Variants in YAP1 observed in about 807,000 individuals in gnomAD.
YAP1 encodes transcriptional coactivator YAP1.
In YAP1, 5 loss-of-function variants were observed where a neutral mutation model predicts 56.9. The ratio of observed to expected loss-of-function variants is 0.09; its 90% CI spans 0.05 to 0.18. The LOEUF (loss-of-function observed/expected upper bound fraction) is 0.18. YAP1 is among the 10% of genes least tolerant of loss of function. The pLI is 1.00. For missense variants in YAP1, 539 were observed against 651.8 expected (o/e 0.83, Z 1.88); for synonymous variants, 265 against 248.1 (o/e 1.07, Z -0.64).
At chr11:102,169,834 A>C (rs558612819) in intron 3 of YAP1, among the ~76,000 whole-genome samples, 35 of 152,314 alleles carry the variant, frequency 2.3e-4, no homozygotes, top group African/African-American at 6.3e-4. Context: ...TAAGTTCCTG[A>C]AAAATGATAA....
chr11:102,145,316 A>G (rs1417955795), intron 2 of YAP1, among the ~76,000 whole-genome samples: 2 of 152,206 alleles, frequency 1.3e-5, no homozygotes, highest in Admixed American at 1.3e-4. Flanking sequence ...TGAGTGGCCA[A>G]GCAAGTATTT....
At chr11:102,143,457 C>G (rs1025922197) in intron 2 of YAP1, among the ~76,000 whole-genome samples, 15 of 152,140 alleles carry the variant, frequency 9.9e-5, no homozygotes, top group East Asian at 9.6e-4. Flanking sequence ...CAAATACATC[C>G]ATCAAGCCAT....
chr11:102,205,248 T>G (rs1949062144), intron 4 of YAP1, among the ~76,000 whole-genome samples: 1 of 152,096 alleles, frequency 6.6e-6, no homozygotes, highest in Non-Finnish European at 1.5e-5. Flanking sequence ...GTGGACTCAA[T>G]TTGATATGAG....
rs1448913857 is a variant in YAP1, at chr11:102,223,759, G to A, written c.1163+7G>A. 2.0e-5 allele frequency: 32 copies of A among 1,613,142 alleles called. No individual in the cohort carries two copies. Among genetic ancestry groups the A allele is most frequent in the African/African-American group, 5.3e-5 (4 of 75,032 alleles). On this transcript the variant is annotated splice_region_variant and intron_variant, in intron 7 of 8. Transcript: ENST00000282441. The stretch of plus-strand genomic sequence containing the variant: ...CAGATCCTTTCCTTAACAGGTTGGT[G>A]AAAGTTGCTACTGGTGAATATCTGA...
At chr11:102,121,482 T>G (rs1943648813) in intron 2 of YAP1, among the ~76,000 whole-genome samples, 1 of 152,108 alleles carries the variant, frequency 6.6e-6, no homozygotes, top group South Asian at 2.1e-4. Context: ...TCATAAGTTT[T>G]AAATTGCAGT....
At chr11:102,162,753 A>G (rs889961733) in intron 3 of YAP1, among the ~76,000 whole-genome samples, 182 bp downstream of exon 3, 1 of 152,228 alleles carries the variant, frequency 6.6e-6, no homozygotes, top group Non-Finnish European at 1.5e-5. Flanking sequence ...ATTGCCTTGT[A>G]TAGTTGTTAA....
At chr11:102,219,192 C>T (rs1024863943) in intron 6 of YAP1, among the ~76,000 whole-genome samples, 1 of 152,106 alleles carries the variant, frequency 6.6e-6, no homozygotes, top group Non-Finnish European at 1.5e-5. Flanking sequence ...TTTCTGGAGT[C>T]TATAATTTTA....
chr11:102,153,421 T>A (rs965392566), intron 2 of YAP1, among the ~76,000 whole-genome samples: 1 of 152,196 alleles, frequency 6.6e-6, no homozygotes, highest in Non-Finnish European at 1.5e-5. Context: ...GTCTTCTTTT[T>A]AAAAAGGATA....
At chr11:102,122,416 C>G (rs1169371970) in intron 2 of YAP1, among the ~76,000 whole-genome samples, 1 of 130,612 alleles carries the variant, frequency 7.7e-6, no homozygotes, top group African/African-American at 3.4e-5. Context: ...CAGAGCCAGA[C>G]TCTGTCTCAA....
intron 3 of YAP1, among the ~76,000 whole-genome samples, chr11:102,185,731 A>G (rs1366955702): frequency 6.6e-6 from 1 of 152,074 alleles, no homozygotes; most frequent in Non-Finnish European, 1.5e-5. Flanking sequence ...GTTAACAGTA[A>G]TAGTAATTAT....
intron 2 of YAP1, among the ~76,000 whole-genome samples, chr11:102,144,447 A>G (rs1459642727): frequency 6.6e-6 from 1 of 152,190 alleles, no homozygotes; most frequent in African/African-American, 2.4e-5. Flanking sequence ...TGAATTTGTA[A>G]TGTGGCTTAT....
At chr11:102,119,183 G>A (rs983904374) in intron 2 of YAP1, among the ~76,000 whole-genome samples, 27 of 151,922 alleles carry the variant, frequency 1.8e-4, no homozygotes, top group African/African-American at 6.3e-4. Context: ...GGCATCCCAG[G>A]GAAGAATGGC....
At chr11:102,226,477 C>CG (rs1441297525) in intron 7 of YAP1, among the ~76,000 whole-genome samples, 2 of 152,100 alleles carry the variant, frequency 1.3e-5, no homozygotes, top group Admixed American at 1.3e-4. Context: ...ATGTACAAGC[C>CG]GTAGAGAAAG....
intron 2 of YAP1, among the ~76,000 whole-genome samples, chr11:102,161,417 G>C (rs902161466): frequency 1.3e-5 from 2 of 149,668 alleles, no homozygotes. Flanking sequence ...AATACATACT[G>C]TTTTATAACC....
At chr11:102,193,441 T>C (rs950284534) in intron 4 of YAP1, among the ~76,000 whole-genome samples, 2 of 152,196 alleles carry the variant, frequency 1.3e-5, no homozygotes, top group Non-Finnish European at 2.9e-5. Flanking sequence ...CTTTTTAAAA[T>C]GTTTTATTTT....
chr11:102,121,858 C>G (rs975761240), intron 2 of YAP1, among the ~76,000 whole-genome samples: 1 of 152,150 alleles, frequency 6.6e-6, no homozygotes, highest in African/African-American at 2.4e-5. Context: ...AGTGCAGTTG[C>G]ATGATCACTG....
intron 7 of YAP1, among the ~76,000 whole-genome samples, chr11:102,225,546 T>G (rs1416460094): frequency 1.3e-5 from 2 of 152,172 alleles, no homozygotes; most frequent in African/African-American, 4.8e-5. Context: ...TACTATTTGA[T>G]TTATGTATAT....
In YAP1 at chr11:102,113,715, T is replaced by C. The variant is rs561868408; in HGVS notation, c.322-429T>C. 1.5e-3 allele frequency among the ~76,000 whole-genome samples: 234 copies of C among 152,324 alleles called. 1 individual carries two copies. The highest frequency in any genetic ancestry group is 5.5e-3 in the African/African-American group (228 of 41,592). The stretch of plus-strand genomic sequence containing the variant: ...AGTTTGACCTAGAAAAAAAATTAAT[T>C]ACTTAAAACCTAGTAAAAAATACAT... On this transcript the variant is annotated intron_variant, in intron 1 of 8. Coordinates refer to ENST00000282441, the MANE Select transcript of YAP1 (RefSeq NM_001130145.3).
chr11:102,155,778 A>C (rs1945904437), intron 2 of YAP1, among the ~76,000 whole-genome samples: 1 of 152,184 alleles, frequency 6.6e-6, no homozygotes, highest in Non-Finnish European at 1.5e-5. Context: ...TGAAAATTTG[A>C]ATGTCACCAT....
Sources: allele counts gnomAD v4.1 joint callset (sites outside exome capture counted in the v4.1 genomes callset), GRCh38; gene constraint gnomAD v4.1.1; transcripts MANE v1.5; gene names NCBI Gene and HGNC (gene_info 2026-07-23, HGNC 2026-07-21).